The following ZNF7 variants were observed in gnomAD, a reference collection of about 807,000 sequenced individuals.
The protein encoded by ZNF7 is C2-H2 type zinc finger protein.
A neutral mutation model predicts 12.0 loss-of-function variants in ZNF7; 10 were observed. That is an observed-to-expected ratio of 0.83 (90% CI 0.51 to 1.42). The LOEUF (loss-of-function observed/expected upper bound fraction) is 1.42, where lower values mean the gene tolerates loss of function less well. ZNF7 is among the 40% of genes most tolerant of loss of function. The probability of loss-of-function intolerance (pLI) is 0.00; values close to 1 mark genes in which losing one functional copy is unlikely to be tolerated. For synonymous variants in ZNF7, 334 were observed against 295.0 expected, an observed-to-expected ratio of 1.13 and a Z score of -1.35; for missense variants, 854 against 837.2, an observed-to-expected ratio of 1.02 and a Z score of -0.25.
Position 144,842,079 on chromosome 8 carries a change from T to A in ZNF7, c.972T>A (p.His324Gln). Residue 324 changes from histidine (H) to glutamine (Q), a missense_variant, in exon 5 of 5, where the codon CAT (histidine) becomes CAA (glutamine). Coordinates refer to ENST00000532777, the MANE Select transcript of ZNF7 (RefSeq NM_003416.4). The part of the protein sequence containing the change: ...AFGQSSSLIH[H>Q]QRIHTGERPY... ...GTCAGAGCTCAAGCCTCATCCACCA[T>A]CAGAGAATCCACACAGGAGAGAGGC... 1.2e-6 allele frequency: 2 copies of A among 1,614,106 alleles called. No individual in the cohort carries two copies. The highest frequency in any genetic ancestry group is 1.7e-6 in the Non-Finnish European group (2 of 1,180,024).
Position 144,842,576 on chromosome 8 carries a change from TC to T in ZNF7, c.1471del (p.His491ThrfsTer46). On this transcript the variant is annotated frameshift_variant, in exon 5 of 5. Transcript: ENST00000532777. LOFTEE classifies it low-confidence loss of function (END_TRUNC). ...QGSHLIQHQR[I>X]HTGEKPYVCN... ...TCACACCTTATTCAGCATCAGCGAA[TC>T]CACACTGGAGAGAAACCCTATGTGT... The T allele has an allele frequency of 6.2e-7, 1 of 1,614,176 alleles. No homozygotes were observed. Among genetic ancestry groups the T allele is most frequent in the Non-Finnish European group, 8.5e-7 (1 of 1,180,030 alleles).
rs145967598 is a variant in ZNF7 at position 144,833,295 on chromosome 8, C to T, written c.130+3691C>T. Among the ~76,000 whole-genome samples, 974 of 151,298 alleles carry T rather than the reference C, an allele frequency of 6.4e-3. 12 individuals carry two copies. Among genetic ancestry groups the T allele is most frequent in the African/African-American group, 0.023 (937 of 41,254 alleles). ...GGATGTTTCTGAACCCTGTTCTCTT[C>T]CCTGAATCTCTCTTGTGGGCCAGCT... is the stretch of plus-strand genomic sequence containing the variant. On this transcript the variant is annotated intron_variant, in intron 3 of 4. Transcript: ENST00000532777.
chr8:144,841,405 C>T lies in ZNF7; in HGVS notation c.298C>T (p.Leu100=), dbSNP rs1419931851. Residue 100 remains leucine, a synonymous_variant, in exon 5 of 5, where the codon CTA becomes TTA. Transcript: ENST00000532777. ...NEQACEDMDI[L]KSESYGTVVR... ...GCAGGCCTGTGAGGACATGGACATCCTAAAATCAGAATCCTATGGGACAGT... is the reference window on the plus strand; with the variant it reads ...GCAGGCCTGTGAGGACATGGACATCTTAAAATCAGAATCCTATGGGACAGT... The T allele has an allele frequency of 3.7e-6, 6 of 1,613,312 alleles. No homozygotes were observed. The African/African-American group carries it at 5.3e-5, about 14-fold the overall frequency.
At chr8:144,840,157 C>T (rs1291013567) in intron 4 of ZNF7, among the ~76,000 whole-genome samples, 2 of 152,190 alleles carry the variant, frequency 1.3e-5, no homozygotes, top group Non-Finnish European at 2.9e-5. Flanking sequence ...CAAGCAAGCC[C>T]TGTTGAAAGA....
chr8:144,830,613 G>A (rs915159159), intron 3 of ZNF7, among the ~76,000 whole-genome samples: 3 of 152,088 alleles, frequency 2.0e-5, no homozygotes, highest in South Asian at 4.1e-4. Flanking sequence ...CTGATTACAC[G>A]CATTTTTTAA....
intron 4 of ZNF7, among the ~76,000 whole-genome samples, chr8:144,839,389 T>G (rs1025094955): frequency 7.9e-5 from 12 of 152,238 alleles, no homozygotes; most frequent in African/African-American, 2.9e-4. Context: ...TCCCATGTGA[T>G]CCTTTCTGCT....
At position 144,843,726 on chromosome 8, in the gene ZNF7, C is replaced by G. The variant is rs1290644745; in HGVS notation, c.*558C>G. 6.6e-6 allele frequency: 1 copy of G among 152,154 alleles called. No individual in the cohort carries two copies. The highest frequency in any genetic ancestry group is 2.4e-5 in the African/African-American group (1 of 41,424). The allele number at this position is 152,154 out of a possible 1,614,324, so 9.4% of individuals were successfully genotyped here. On this transcript the variant is annotated 3_prime_UTR_variant, in exon 5 of 5. Transcript: ENST00000532777. ...GTCTGCAGTTTTGAGTTGACAGGTC[C>G]CTGTGAATGAGGAAGCAGCACAAGG...
At chr8:144,829,170 A>G (rs1458983621) in intron 2 of ZNF7, 80 bp downstream of exon 2, 1 of 1,604,430 alleles carries the variant, frequency 6.2e-7, no homozygotes, top group African/African-American at 1.3e-5. Context: ...CCCTGGGCCC[A>G]GACCCTACCT....
At position 144,841,575 on chromosome 8, in the gene ZNF7, G is replaced by T. The variant is rs139683670; in HGVS notation, c.468G>T (p.Glu156Asp). The T allele has an allele frequency of 1.2e-6, 2 of 1,614,076 alleles. No homozygotes were observed. Among genetic ancestry groups the T allele is most frequent in the African/African-American group, 2.7e-5 (2 of 74,930 alleles). Residue 156 changes from glutamate (E) to aspartate (D), a missense_variant, in exon 5 of 5, where the codon GAG (glutamate) becomes GAT (aspartate). Physicochemically the swap from Glu to Asp is conservative, Grantham distance 45 (BLOSUM62 2). Transcript: ENST00000532777. Reference sequence around the variant, plus strand: ...TCCAAAATAACTGTTTGAATGAGGAGACTGTGGTTCCCAAGACCTTCACCA... The same window carrying T: ...TCCAAAATAACTGTTTGAATGAGGATACTGTGGTTCCCAAGACCTTCACCA... The part of the protein sequence containing the change: ...FTFQNNCLNE[E>D]TVVPKTFTKD...
chr8:144,844,840 G>A (rs1417843088), downstream of ZNF7, among the ~76,000 whole-genome samples: 1 of 151,298 alleles, frequency 6.6e-6, no homozygotes, highest in East Asian at 2.0e-4. Context: ...GGGAAGAAAA[G>A]ATGGTTGAGT....
intron 3 of ZNF7, among the ~76,000 whole-genome samples, chr8:144,831,210 G>A (rs1828410498): frequency 6.6e-6 from 1 of 152,188 alleles, no homozygotes. Context: ...GCTTCTCCAG[G>A]CTCAAAGGTA....
At chr8:144,840,416 A>G (rs1005883418) in intron 4 of ZNF7, among the ~76,000 whole-genome samples, 1 of 152,186 alleles carries the variant, frequency 6.6e-6, no homozygotes, top group East Asian at 1.9e-4. Context: ...CTGTGCATTC[A>G]TGTGGGGTAG....
rs139772498 is a variant in ZNF7, at chr8:144,843,481, G to A, written c.*313G>A. Reference sequence around the variant, plus strand: ...CAGGCACCTGTGGTCCCAGCTGCTCGGGAGGCTGAGGCAGGAGAATGGCAT... The same window carrying A: ...CAGGCACCTGTGGTCCCAGCTGCTCAGGAGGCTGAGGCAGGAGAATGGCAT... On this transcript the variant is annotated 3_prime_UTR_variant, in exon 5 of 5. Coordinates refer to ENST00000532777, the MANE Select transcript of ZNF7 (RefSeq NM_003416.4). 506 of 190,910 alleles carry A rather than the reference G, an allele frequency of 2.7e-3. 1 individual carries two copies. The highest frequency in any genetic ancestry group is 0.011 in the African/African-American group (456 of 42,436). 11.8% of individuals were successfully genotyped at this position (190,910 alleles called of 1,614,324 possible).
rs1829154159 is a variant in ZNF7 at position 144,837,505 on chromosome 8, C to G, written c.245C>G (p.Thr82Arg). 1.2e-6 allele frequency: 2 copies of G among 1,606,522 alleles called. No homozygotes were observed. Among genetic ancestry groups the G allele is most frequent in the African/African-American group, 2.7e-5 (2 of 74,808 alleles). The part of the protein sequence containing the change: ...EGTEAPRTSK[T>R]DSTIRTENEQ... The stretch of plus-strand genomic sequence containing the variant: ...ACAGAGGCACCAAGGACCTCCAAGA[C>G]AGGTGAGGCTTAGATCCCATCGCAG... Residue 82 changes from threonine (T) to arginine (R), a missense_variant and splice_region_variant, in exon 4 of 5, where the codon ACA becomes AGA. By Grantham distance (71) the Thr-to-Arg change is moderately conservative. Coordinates refer to ENST00000532777, the MANE Select transcript of ZNF7 (RefSeq NM_003416.4).
Position 144,834,140 on chromosome 8 carries a change from T to G in ZNF7, c.131-3251T>G, listed in dbSNP as rs529565416. ...ACTGGAATTTTTATTGGGAGTGCTT[T>G]GAAACTGTTTTCTGTCAATGTAAAA... On this transcript the variant is annotated intron_variant, in intron 3 of 4. Coordinates refer to ENST00000532777, the MANE Select transcript of ZNF7 (RefSeq NM_003416.4). 9.2e-5 allele frequency: 14 copies of G among 152,332 alleles called. No homozygotes were observed. The South Asian group carries it at 1.7e-3, about 18-fold the overall frequency. 9.4% of individuals were successfully genotyped at this position (152,332 alleles called of 1,614,324 possible).
Position 144,827,577 on chromosome 8 carries a change from G to T in ZNF7, c.-78G>T, listed in dbSNP as rs1827905253. On this transcript the variant is annotated 5_prime_UTR_variant, in exon 1 of 5. Coordinates refer to ENST00000532777, the MANE Select transcript of ZNF7 (RefSeq NM_003416.4). The stretch of plus-strand genomic sequence containing the variant: ...CAAGGCCCGTTTCCGGCGGCGTCGC[G>T]CGTTTGCGAGCCTCGGGTGGTCCTC... 2.0e-6 allele frequency: 2 copies of T among 985,570 alleles called. No homozygotes were observed. Among genetic ancestry groups the T allele is most frequent in the African/African-American group, 3.5e-5 (2 of 57,240 alleles). The allele number at this position is 985,570 out of a possible 1,614,324, so 61.1% of individuals were successfully genotyped here. A position where few individuals can be genotyped will look rare whatever the true frequency, so the allele number is the denominator to read the frequency against.
At position 144,841,920 on chromosome 8, in the gene ZNF7, C is replaced by T. The variant is rs1424764481; in HGVS notation, c.813C>T (p.Ile271=). ...LCSQLNQHQR[I]HTGEKPFKCT... is the part of the protein sequence containing the mutation. ...CGCAGCTTAATCAGCATCAGAGAAT[C>T]CACACGGGAGAGAAACCCTTTAAAT... The change falls in exon 5 of 5, where the codon ATC becomes ATT. Residue 271 remains isoleucine, a synonymous_variant. Transcript: ENST00000532777. 6.2e-7 allele frequency: 1 copy of T among 1,613,916 alleles called. No individual in the cohort carries two copies. Among genetic ancestry groups the T allele is most frequent in the African/African-American group, 1.3e-5 (1 of 74,854 alleles).
chr8:144,829,156 C>G (rs930482907), intron 2 of ZNF7, 66 bp downstream of exon 2: 10 of 1,609,056 alleles, frequency 6.2e-6, no homozygotes, highest in African/African-American at 1.3e-5. Context: ...GCTCTGCCCA[C>G]TGGCCCTGGG....
At chr8:144,828,261 A>G (rs1023161249) in intron 1 of ZNF7, among the ~76,000 whole-genome samples, 2 of 152,150 alleles carry the variant, frequency 1.3e-5, no homozygotes, top group Admixed American at 6.5e-5. Flanking sequence ...GTCTGGGGTC[A>G]TTGGCTTAAT....
Sources: gnomAD v4.1 joint callset for allele counts (sites outside exome capture counted in the v4.1 genomes callset) on GRCh38, gnomAD v4.1.1 for gene constraint, MANE v1.5 for transcripts, NCBI Gene and HGNC (gene_info 2026-07-23, HGNC 2026-07-21) for gene names.